The following GALNT13 variants were observed in gnomAD, a reference collection of about 807,000 sequenced individuals.
GALNT13 encodes the protein polypeptide N-acetylgalactosaminyltransferase 13.
GALNT13 carries 28 observed loss-of-function variants against 64.2 expected under a neutral mutation model. The observed-to-expected ratio is 0.44, with a 90% CI of 0.32 to 0.60. The LOEUF (loss-of-function observed/expected upper bound fraction) is 0.60, where lower values mean the gene tolerates loss of function less well. GALNT13 is among the 20% of genes least tolerant of loss of function. The pLI is 0.05. For synonymous variants in GALNT13, 214 were observed against 224.6 expected, an observed-to-expected ratio of 0.95 and a Z score of 0.42; for missense variants, 577 against 669.8, an observed-to-expected ratio of 0.86 and a Z score of 1.53.
chr2:153,084,401 C>T, the GALNT13 span, among the ~76,000 whole-genome samples: 3 of 152,166 alleles, frequency 2.0e-5, no homozygotes, highest in Non-Finnish European at 4.4e-5. Context: ...TTTATGTCAT[C>T]TATGATTTCT....
At chr2:153,165,266 G>T in the GALNT13 span, among the ~76,000 whole-genome samples, 1 of 152,184 alleles carries the variant, frequency 6.6e-6, no homozygotes, top group East Asian at 1.9e-4. Context: ...GATTGTTATA[G>T]TGGGAGAGAA....
At chr2:153,549,436 G>T in the GALNT13 span, among the ~76,000 whole-genome samples, 1 of 152,160 alleles carries the variant, frequency 6.6e-6, no homozygotes, top group South Asian at 2.1e-4. Context: ...AAGAGGTAGA[G>T]CTTATTTCCT....
the GALNT13 span, among the ~76,000 whole-genome samples, chr2:153,433,939 G>A: frequency 0.63 from 96,008 of 151,630 alleles, 31,373 homozygotes; most frequent in Non-Finnish European, 0.72. Context: ...TTAACTCGTC[G>A]TTTAGCATTA....
chr2:153,201,122 A>G, the GALNT13 span, among the ~76,000 whole-genome samples: 3 of 151,926 alleles, frequency 2.0e-5, no homozygotes, highest in Non-Finnish European at 2.9e-5. Flanking sequence ...GAATCACACA[A>G]CTCCATCTGG....
the GALNT13 span, chr2:153,762,292 A>G: frequency 6.6e-6 from 1 of 152,152 alleles, no homozygotes; most frequent in South Asian, 2.1e-4. Flanking sequence ...TTGTTGTACC[A>G]TCACATACAT....
intron 4 of GALNT13, among the ~76,000 whole-genome samples, chr2:154,184,877 TA>T (rs1686168161): frequency 6.6e-6 from 1 of 152,156 alleles, no homozygotes; most frequent in African/African-American, 2.4e-5. Context: ...ATATTAGAAT[TA>T]AAAGTGATTT....
intron 8 of GALNT13, among the ~76,000 whole-genome samples, chr2:154,273,160 GAAAAT>G (rs1691447191): frequency 6.6e-6 from 1 of 152,046 alleles, no homozygotes; most frequent in Non-Finnish European, 1.5e-5. Context: ...GTGCCTAGAA[GAAAAT>G]AAAATAAGGT....
At chr2:154,048,210 A>G (rs1232578042) in intron 3 of GALNT13, among the ~76,000 whole-genome samples, 3 of 152,160 alleles carry the variant, frequency 2.0e-5, no homozygotes, top group Non-Finnish European at 4.4e-5. Context: ...CTATCACAAG[A>G]ACAGCACTAG....
At chr2:154,221,095 C>T (rs994142806) in intron 4 of GALNT13, among the ~76,000 whole-genome samples, 10 of 151,908 alleles carry the variant, frequency 6.6e-5, no homozygotes, top group African/African-American at 2.2e-4. Flanking sequence ...ATATATTAAC[C>T]AATTCTTTCC....
At chr2:154,117,290 C>G (rs1681637310) in intron 3 of GALNT13, among the ~76,000 whole-genome samples, 1 of 152,208 alleles carries the variant, frequency 6.6e-6, no homozygotes, top group Admixed American at 6.5e-5. Flanking sequence ...TCAGTCAACA[C>G]TTAATCATCA....
intron 2 of GALNT13, among the ~76,000 whole-genome samples, chr2:153,932,367 G>T (rs1690590594): frequency 6.6e-6 from 1 of 151,552 alleles, no homozygotes; most frequent in Non-Finnish European, 1.5e-5. Flanking sequence ...CGTTCCTTTA[G>T]GAGTGATGTT....
At chr2:153,678,069 AC>A in the GALNT13 span, among the ~76,000 whole-genome samples, 21 of 117,766 alleles carry the variant, frequency 1.8e-4, no homozygotes, top group Non-Finnish European at 2.9e-4. Flanking sequence ...AAGTGAAAAA[AC>A]AAAAAAACAA....
At chr2:153,961,219 T>G (rs1692921138) in intron 3 of GALNT13, among the ~76,000 whole-genome samples, 1 of 152,176 alleles carries the variant, frequency 6.6e-6, no homozygotes, top group South Asian at 2.1e-4. Flanking sequence ...ATTTTTGTTT[T>G]CATGTTTAGC....
At chr2:153,687,142 T>TG in the GALNT13 span, among the ~76,000 whole-genome samples, 1 of 152,064 alleles carries the variant, frequency 6.6e-6, no homozygotes, top group African/African-American at 2.4e-5. Context: ...GGTATTAGGA[T>TG]GATGCTGTTC....
the GALNT13 span, among the ~76,000 whole-genome samples, chr2:153,622,594 G>A: frequency 6.6e-6 from 1 of 152,062 alleles, no homozygotes; most frequent in Non-Finnish European, 1.5e-5. Context: ...ATATGGAAAT[G>A]GGCATTTCAT....
the GALNT13 span, among the ~76,000 whole-genome samples, chr2:153,840,880 T>C: frequency 2.4e-4 from 36 of 152,300 alleles, no homozygotes; most frequent in African/African-American, 6.3e-4. Flanking sequence ...GCAAGTGCAA[T>C]TGAAGAGGTA....
chr2:154,145,096 C>CTATATATATA (rs1306928627), intron 4 of GALNT13, among the ~76,000 whole-genome samples: 18 of 124,056 alleles, frequency 1.5e-4, no homozygotes, highest in Middle Eastern at 3.8e-3. Flanking sequence ...ATCTATCTAT[C>CTATATATATA]TATCTATATA....
At chr2:154,199,663 T>C (rs1687067757) in intron 4 of GALNT13, among the ~76,000 whole-genome samples, 1 of 151,906 alleles carries the variant, frequency 6.6e-6, no homozygotes, top group Non-Finnish European at 1.5e-5. Context: ...TTAGAATTTA[T>C]CTATTAGTAA....
At chr2:154,212,611 C>A (rs1687839358) in intron 4 of GALNT13, among the ~76,000 whole-genome samples, 1 of 151,812 alleles carries the variant, frequency 6.6e-6, no homozygotes, top group South Asian at 2.1e-4. Flanking sequence ...TCTTCCTATT[C>A]TTTTTCTCCT....
Sources: allele counts gnomAD v4.1 joint callset (sites outside exome capture counted in the v4.1 genomes callset), GRCh38; gene constraint gnomAD v4.1.1; transcripts MANE v1.5; gene names NCBI Gene and HGNC (gene_info 2026-07-23, HGNC 2026-07-21).